GNB1: variants seen among roughly 807,000 people sequenced by gnomAD.
The protein encoded by GNB1 is G protein subunit beta 1, also known as guanine nucleotide-binding protein G(I)/G(S)/G(T) subunit beta-1.
GNB1 carries 2 observed loss-of-function variants against 42.9 expected under a neutral mutation model. The ratio of observed to expected loss-of-function variants is 0.05; its 90% CI spans 0.02 to 0.15. GNB1 has a LOEUF of 0.15. GNB1 is among the 10% of genes least tolerant of loss of function. GNB1 has a pLI of 1.00. For missense variants in GNB1, 193 were observed against 462.2 expected, an observed-to-expected ratio of 0.42 and a Z score of 5.34; for synonymous variants, 183 against 174.7, an observed-to-expected ratio of 1.05 and a Z score of -0.38.
intron 3 of GNB1, among the ~76,000 whole-genome samples, chr1:1,819,423 AT>A (rs1646900979): frequency 1.3e-5 from 2 of 151,862 alleles, no homozygotes; most frequent in Admixed American, 1.3e-4. Flanking sequence ...GTTTCACCAT[AT>A]TGGCCAGGCT....
Position 1,826,211 on chromosome 1 carries a change from G to C in GNB1, c.-46-712C>G, listed in dbSNP as rs56223069. On this transcript the variant is annotated intron_variant, in intron 2 of 11. Coordinates refer to ENST00000378609, the MANE Select transcript of GNB1 (RefSeq NM_002074.5). The stretch of plus-strand genomic sequence containing the variant: ...GCGGGTGGATCACTTGAGGTCAGGA[G>C]TTCAAGACCAGCCTGGCTAACATGG... Among the ~76,000 whole-genome samples, 1,467 of 152,236 alleles carry C rather than the reference G, an allele frequency of 9.6e-3. 28 individuals are homozygous for C. The highest frequency in any genetic ancestry group is 0.033 in the African/African-American group (1,373 of 41,530).
chr1:1,853,260 AT>A (rs1398936678), intron 1 of GNB1, among the ~76,000 whole-genome samples: 1 of 152,208 alleles, frequency 6.6e-6, no homozygotes, highest in Non-Finnish European at 1.5e-5. Context: ...CAGCTCTGAC[AT>A]GCGACTCCTC....
At chr1:1,811,999 G>C (rs1646786025) in intron 5 of GNB1, among the ~76,000 whole-genome samples, 1 of 152,024 alleles carries the variant, frequency 6.6e-6, no homozygotes, top group Admixed American at 6.6e-5. Context: ...CTGGGAGGCA[G>C]AGCTTGCAGT....
intron 5 of GNB1, among the ~76,000 whole-genome samples, chr1:1,807,931 G>A (rs1307593582): frequency 2.0e-5 from 3 of 152,100 alleles, no homozygotes; most frequent in South Asian, 2.1e-4. Context: ...GGATGGTCTC[G>A]ATCTCCTGAC....
In GNB1 at chr1:1,796,675, G is replaced by C. The variant is rs1223344464; in HGVS notation, c.431-3364C>G. ...GCCACCCTCTGGAAGCCTGCAGAGG[G>C]GCAGGGAAAACAGACCCTGAACAAA... On this transcript the variant is annotated intron_variant, in intron 7 of 11. Coordinates refer to ENST00000378609, the MANE Select transcript of GNB1 (RefSeq NM_002074.5). Among the ~76,000 whole-genome samples the C allele has an allele frequency of 3.3e-4, 51 of 152,334 alleles. 1 individual carries two copies. The highest frequency in any genetic ancestry group is 2.9e-3 in the Admixed American group (44 of 15,310).
chr1:1,842,409 G>A (rs1045931295), intron 1 of GNB1, among the ~76,000 whole-genome samples: 3 of 151,510 alleles, frequency 2.0e-5, no homozygotes, highest in African/African-American at 4.9e-5. Flanking sequence ...CAGCCTGGGC[G>A]GGGTGACAGA....
intron 1 of GNB1, among the ~76,000 whole-genome samples, chr1:1,884,344 T>C (rs1248615679): frequency 6.6e-6 from 1 of 152,106 alleles, no homozygotes; most frequent in Admixed American, 6.5e-5. Flanking sequence ...CCCAAAGTGC[T>C]GGAATTACAG....
intron 1 of GNB1, among the ~76,000 whole-genome samples, chr1:1,879,684 GAC>G (rs892143190): frequency 6.8e-6 from 1 of 148,046 alleles, no homozygotes; most frequent in Admixed American, 6.8e-5. Context: ...CAGCCTGGGT[GAC>G]AGAGTGAGAC....
intron 1 of GNB1, among the ~76,000 whole-genome samples, chr1:1,855,967 T>C (rs1042060648): frequency 1.3e-5 from 2 of 152,238 alleles, no homozygotes; most frequent in African/African-American, 4.8e-5. Flanking sequence ...TTCACCACTG[T>C]GTTCTCAGGA....
intron 3 of GNB1, among the ~76,000 whole-genome samples, chr1:1,820,620 A>G (rs1646919355): frequency 6.6e-6 from 1 of 152,196 alleles, no homozygotes; most frequent in African/African-American, 2.4e-5. Context: ...TTGAAATACT[A>G]TTCTTGTTGA....
At chr1:1,875,447 C>T (rs1010165002) in intron 1 of GNB1, among the ~76,000 whole-genome samples, 1 of 152,172 alleles carries the variant, frequency 6.6e-6, no homozygotes, top group Non-Finnish European at 1.5e-5. Flanking sequence ...CCCGCTGTGG[C>T]CTCCCAAAGT....
chr1:1,828,321 C>G (rs773837163), intron 2 of GNB1, among the ~76,000 whole-genome samples: 1 of 151,918 alleles, frequency 6.6e-6, no homozygotes, highest in Non-Finnish European at 1.5e-5. Flanking sequence ...AACTCTGTCT[C>G]GAGAAAAAAA....
rs534121471 is a variant in GNB1 at position 1,845,400 on chromosome 1, C to G, written c.-95-6162G>C. On this transcript the variant is annotated intron_variant, in intron 1 of 11. Coordinates refer to ENST00000378609, the MANE Select transcript of GNB1 (RefSeq NM_002074.5). The stretch of plus-strand genomic sequence containing the variant: ...CATCCTAGCTAACTCAGTGAAACCC[C>G]GTCTCTACTAAAAATACAAAAAATT... Among the ~76,000 whole-genome samples, 259 of 152,104 alleles carry G rather than the reference C, an allele frequency of 1.7e-3. 1 individual carries two copies. The highest frequency in any genetic ancestry group is 6.0e-3 in the African/African-American group (247 of 41,492).
chr1:1,794,840 C>T (rs1173296466), intron 7 of GNB1, among the ~76,000 whole-genome samples: 2 of 152,090 alleles, frequency 1.3e-5, no homozygotes, highest in Non-Finnish European at 2.9e-5. Flanking sequence ...CAGGTGCACG[C>T]CACCACACAC....
At chr1:1,848,937 G>T (rs188131192) in intron 1 of GNB1, among the ~76,000 whole-genome samples, 6 of 152,224 alleles carry the variant, frequency 3.9e-5, no homozygotes, top group African/African-American at 1.4e-4. Context: ...ATGTTCCGGA[G>T]TGATAGGCAT....
rs752479494 is a variant in GNB1, at chr1:1,786,597, A to C, written c.*466T>G. 6.6e-6 allele frequency: 1 copy of C among 152,436 alleles called. No homozygotes were observed. Among genetic ancestry groups the C allele is most frequent in the Admixed American group, 6.5e-5 (1 of 15,276 alleles). 9.4% of individuals were successfully genotyped at this position (152,436 alleles called of 1,614,324 possible). A position where few individuals can be genotyped will look rare whatever the true frequency, so the allele number is the denominator to read the frequency against. ...AAAAGGAAATATGAATGCTTCCAAA[A>C]TCTTGCTACAAACATGACTGAAATT... On this transcript the variant is annotated 3_prime_UTR_variant, in exon 12 of 12. Coordinates refer to ENST00000378609, the MANE Select transcript of GNB1 (RefSeq NM_002074.5).
chr1:1,889,812 G>T (rs1258853366), intron 1 of GNB1, among the ~76,000 whole-genome samples: 3 of 152,120 alleles, frequency 2.0e-5, no homozygotes, highest in Admixed American at 6.5e-5. Context: ...AATATAGCAG[G>T]TTCTTAAAAG....
intron 7 of GNB1, among the ~76,000 whole-genome samples, chr1:1,802,313 A>G (rs1646636471): frequency 6.6e-6 from 1 of 152,212 alleles, no homozygotes; most frequent in Non-Finnish European, 1.5e-5. Flanking sequence ...ATGTCAAAGG[A>G]CTGAAATGAT....
chr1:1,803,896 C>T (rs562025851), intron 7 of GNB1, among the ~76,000 whole-genome samples: 52 of 140,152 alleles, frequency 3.7e-4, no homozygotes, highest in African/African-American at 1.2e-3. Flanking sequence ...GCAGGAGAAT[C>T]GCTTGAACCC....
Sources: allele counts gnomAD v4.1 joint callset (sites outside exome capture counted in the v4.1 genomes callset), GRCh38; gene constraint gnomAD v4.1.1; transcripts MANE v1.5; gene names NCBI Gene and HGNC (gene_info 2026-07-23, HGNC 2026-07-21).